Variants in NR5A2 observed in about 807,000 individuals in gnomAD.
The protein encoded by NR5A2 is CYP7A promoter-binding factor.
Under a neutral mutation model 62.7 loss-of-function variants are expected in NR5A2, and 26 were observed. The observed-to-expected ratio is 0.41, with a 90% CI of 0.30 to 0.58. NR5A2 has a LOEUF of 0.58. NR5A2 is among the 20% of genes least tolerant of loss of function. The probability of loss-of-function intolerance (pLI) is 0.22; values close to 1 mark genes in which losing one functional copy is unlikely to be tolerated. For synonymous variants in NR5A2, 246 were observed against 241.7 expected, an observed-to-expected ratio of 1.02 and a Z score of -0.16; for missense variants, 541 against 669.1, an observed-to-expected ratio of 0.81 and a Z score of 2.11.
At position 200,117,244 on chromosome 1, in the gene NR5A2, A is replaced by C. The variant is rs574854482; in HGVS notation, c.1231-3564A>C. On this transcript the variant is annotated intron_variant, in intron 6 of 7. Coordinates refer to ENST00000367362, the MANE Select transcript of NR5A2 (RefSeq NM_205860.3). ...AATGAGCACAAACTCTGCATTCAAC[A>C]ATGAAAATATAATTATGTTTGTAAT... Among the ~76,000 whole-genome samples, 7 of 152,360 alleles carry C rather than the reference A, an allele frequency of 4.6e-5. No homozygotes were observed. In the Middle Eastern group the frequency reaches 0.01, roughly 222 times the overall value.
rs149773246 is a variant in NR5A2 at position 200,048,052 on chromosome 1, C to A, written c.464-120C>A. The A allele has an allele frequency of 2.1e-6, 2 of 936,642 alleles. No individual in the cohort carries two copies. Among genetic ancestry groups the A allele is most frequent in the Non-Finnish European group, 3.2e-6 (2 of 633,196 alleles). The allele number at this position is 936,642 out of a possible 1,614,324, so 58.0% of individuals were successfully genotyped here. A position where few individuals can be genotyped will look rare whatever the true frequency, so the allele number is the denominator to read the frequency against. On this transcript the variant is annotated intron_variant, in intron 4 of 7. Coordinates refer to ENST00000367362, the MANE Select transcript of NR5A2 (RefSeq NM_205860.3). The surrounding 1 kb of genome is among the most constrained non-coding windows in gnomAD (Gnocchi z 4.8). ...GGGAAATCTTTGTGGGCTATTGTAA[C>A]GAAAACAACCACACACATACCACTT...
In NR5A2 at chr1:200,133,505, C is replaced by CTATATATATATATATA. The variant is rs138519275; in HGVS notation, c.1378+12557_1378+12572dup. ...TAATGATGTTTTGGTCACTGATGGA[C>CTATATATATATATATA]TATATATATATATATATATATACAC... On this transcript the variant is annotated intron_variant, in intron 7 of 7. Coordinates refer to ENST00000367362, the MANE Select transcript of NR5A2 (RefSeq NM_205860.3). Among the ~76,000 whole-genome samples the CTATATATATATATATA allele has an allele frequency of 7.0e-3, 938 of 134,210 alleles. 1 individual carries two copies. Among genetic ancestry groups the CTATATATATATATATA allele is most frequent in the African/African-American group, 0.013 (450 of 35,414 alleles). The allele number at this position is 134,210 out of a possible 152,430, so 88.0% of individuals were successfully genotyped here. A position where few individuals can be genotyped will look rare whatever the true frequency, so the allele number is the denominator to read the frequency against.
intron 7 of NR5A2, among the ~76,000 whole-genome samples, chr1:200,162,049 G>C (rs916252518): frequency 1.3e-5 from 2 of 152,194 alleles, no homozygotes; most frequent in Non-Finnish European, 2.9e-5. Context: ...TGTGGAAGAT[G>C]TTCCACAGAC....
chr1:200,115,994 A>G (rs962462310), intron 6 of NR5A2, among the ~76,000 whole-genome samples: 5 of 151,944 alleles, frequency 3.3e-5, no homozygotes, highest in South Asian at 2.1e-4. Context: ...CAATTCACTC[A>G]TTATAGATTT....
chr1:200,092,873 CTTTTTTTT>C (rs869028679), intron 5 of NR5A2, among the ~76,000 whole-genome samples: 47 of 64,244 alleles, frequency 7.3e-4, no homozygotes, highest in Non-Finnish European at 1.0e-3. Context: ...AAAGACAGGT[CTTTTTTTT>C]TTTTTTTTTT....
At chr1:200,122,598 T>C (rs1003455933) in intron 7 of NR5A2, among the ~76,000 whole-genome samples, 4 of 152,342 alleles carry the variant, frequency 2.6e-5, no homozygotes, top group African/African-American at 9.6e-5. Flanking sequence ...AGATCTGAGA[T>C]GCTTTCAACT....
intron 1 of NR5A2, among the ~76,000 whole-genome samples, chr1:200,037,172 C>A (rs1056979712): frequency 6.6e-6 from 1 of 152,200 alleles, no homozygotes; most frequent in Non-Finnish European, 1.5e-5. Context: ...GCGTTATGAG[C>A]ATGGTCACAA....
chr1:200,063,650 C>A (rs1663332673), intron 5 of NR5A2, among the ~76,000 whole-genome samples: 1 of 151,884 alleles, frequency 6.6e-6, no homozygotes, highest in Non-Finnish European at 1.5e-5. Context: ...AAGGATCAAA[C>A]CACATTACAC....
intron 1 of NR5A2, among the ~76,000 whole-genome samples, chr1:200,029,986 GA>G (rs1297838853): frequency 6.6e-6 from 1 of 152,226 alleles, no homozygotes; most frequent in Non-Finnish European, 1.5e-5. Context: ...GAGAGGAACA[GA>G]GGGCGGTGAG....
At chr1:200,152,005 T>A (rs1305913266) in intron 7 of NR5A2, among the ~76,000 whole-genome samples, 3 of 152,200 alleles carry the variant, frequency 2.0e-5, no homozygotes. Context: ...TCCAAGCACA[T>A]GTTGGAAAAA....
At chr1:200,064,524 G>C (rs1365637322) in intron 5 of NR5A2, among the ~76,000 whole-genome samples, 1 of 152,184 alleles carries the variant, frequency 6.6e-6, no homozygotes, top group East Asian at 1.9e-4. Flanking sequence ...CAAGGATAGG[G>C]AAGGGGCAAG....
Position 200,066,588 on chromosome 1 carries a change from C to CTTTTCTTT in NR5A2, c.1110+17774_1110+17775insCTTTTTTT, listed in dbSNP as rs1553267898. ...CCCTGCCATCTATTTAATTAATTAT[C>CTTTTCTTT]TTTTTTTTTTTTTTTTTGAGAGGGA... is the stretch of plus-strand genomic sequence containing the variant. On this transcript the variant is annotated intron_variant, in intron 5 of 7. Coordinates refer to ENST00000367362, the MANE Select transcript of NR5A2 (RefSeq NM_205860.3). Among the ~76,000 whole-genome samples the CTTTTCTTT allele has an allele frequency of 6.9e-3, 784 of 113,118 alleles. 34 individuals carry two copies. The highest frequency in any genetic ancestry group is 0.031 in the African/African-American group (755 of 24,428). The allele number at this position is 113,118 out of a possible 152,430, so 74.2% of individuals were successfully genotyped here.
intron 5 of NR5A2, among the ~76,000 whole-genome samples, chr1:200,052,932 A>G (rs12095094): frequency 0.011 from 1,662 of 152,136 alleles, 17 homozygotes; most frequent in South Asian, 0.025. Context: ...GAGCCACCGC[A>G]CCCGGCCTAC....
At chr1:200,163,426 T>C (rs764834121) in intron 7 of NR5A2, among the ~76,000 whole-genome samples, 1 of 151,886 alleles carries the variant, frequency 6.6e-6, no homozygotes, top group Non-Finnish European at 1.5e-5. Context: ...AGACCAAGTC[T>C]CTGCCTACAC....
intron 7 of NR5A2, among the ~76,000 whole-genome samples, chr1:200,140,228 C>A (rs1475439756): frequency 6.6e-6 from 1 of 150,468 alleles, no homozygotes; most frequent in African/African-American, 2.5e-5. Flanking sequence ...TTATCGTGTG[C>A]TTCTTATTTT....
intron 5 of NR5A2, among the ~76,000 whole-genome samples, chr1:200,100,347 A>G (rs1179972720): frequency 1.9e-4 from 28 of 147,230 alleles, no homozygotes; most frequent in African/African-American, 6.8e-4. Context: ...TTTGGATTTC[A>G]GTTTAAGTAT....
intron 6 of NR5A2, among the ~76,000 whole-genome samples, chr1:200,120,012 G>C (rs1666412345): frequency 1.3e-5 from 2 of 151,980 alleles, no homozygotes; most frequent in South Asian, 2.1e-4. Flanking sequence ...TCTTTAGAGA[G>C]AAACACATTA....
chr1:200,094,524 C>CTTTTTTTTTT (rs373809748), intron 5 of NR5A2, among the ~76,000 whole-genome samples: 2 of 59,802 alleles, frequency 3.3e-5, no homozygotes, highest in Non-Finnish European at 5.7e-5. Flanking sequence ...TTAAATGCCA[C>CTTTTTTTTTT]TTTTTTTTTT....
chr1:200,148,906 C>CTTT (rs573219003), intron 7 of NR5A2, among the ~76,000 whole-genome samples: 3 of 125,290 alleles, frequency 2.4e-5, no homozygotes, highest in African/African-American at 2.9e-5. Context: ...GCATGCGGTA[C>CTTT]TTTTTTTTTT....
Sources: gnomAD v4.1 joint callset for allele counts (sites outside exome capture counted in the v4.1 genomes callset) on GRCh38, gnomAD v4.1.1 for gene constraint, Gnocchi (gnomAD v3.1) non-coding constraint, MANE v1.5 for transcripts, NCBI Gene and HGNC (gene_info 2026-07-23, HGNC 2026-07-21) for gene names.